The following GRM1 variants were observed in gnomAD, a reference collection of about 807,000 sequenced individuals.
GRM1 encodes the protein glutamate metabotropic receptor 1, also known as metabotropic glutamate receptor 1.
Under a neutral mutation model 90.9 loss-of-function variants are expected in GRM1, and 33 were observed. The observed-to-expected ratio is 0.36, with a 90% CI of 0.28 to 0.49. GRM1 has a LOEUF of 0.49. Among genes scored for constraint, GRM1 ranks in the 20% least tolerant of loss-of-function variants. The pLI, the probability that GRM1 is intolerant of heterozygous loss-of-function variation, is 0.99. For synonymous variants in GRM1, 700 were observed against 613.2 expected (o/e 1.14, Z -2.09); for missense variants, 1,190 against 1,534.3 (o/e 0.78, Z 3.75).
chr6:146,383,406 C>T (rs528512409), intron 5 of GRM1, among the ~76,000 whole-genome samples: 2 of 152,234 alleles, frequency 1.3e-5, no homozygotes, highest in South Asian at 4.2e-4. Flanking sequence ...TACAATAATT[C>T]ATGATGGCTC....
intron 6 of GRM1, among the ~76,000 whole-genome samples, chr6:146,387,456 C>A (rs1318646462): frequency 5.3e-5 from 8 of 151,892 alleles, no homozygotes; most frequent in Non-Finnish European, 1.2e-4. Flanking sequence ...TATAACATAA[C>A]ATAATTATTA....
chr6:146,155,336 G>A (rs544697596), intron 1 of GRM1, among the ~76,000 whole-genome samples: 1 of 152,238 alleles, frequency 6.6e-6, no homozygotes, highest in East Asian at 1.9e-4. Flanking sequence ...GTTGCCTACA[G>A]TATTCAGTAC....
At chr6:146,414,585 G>A (rs1777703841) in intron 7 of GRM1, among the ~76,000 whole-genome samples, 2 of 151,896 alleles carry the variant, frequency 1.3e-5, no homozygotes, top group African/African-American at 4.8e-5. Flanking sequence ...TGTATTTTTA[G>A]TAGAGACGGG....
In GRM1 at chr6:146,104,974, A is replaced by C. The variant is rs115672635; in HGVS notation, c.701-54374A>C. On this transcript the variant is annotated intron_variant, in intron 1 of 7. Transcript: ENST00000282753. Reference sequence around the variant, plus strand: ...GAGGGGGTAATGATCTGAAGTAGGCATGAGGGGATCTGCTGTGTTCTGGTA... The same window carrying C: ...GAGGGGGTAATGATCTGAAGTAGGCCTGAGGGGATCTGCTGTGTTCTGGTA... Among the ~76,000 whole-genome samples, 762 of 152,310 alleles carry C rather than the reference A, an allele frequency of 5.0e-3. 4 individuals are homozygous for C. The highest frequency in any genetic ancestry group is 0.018 in the African/African-American group (741 of 41,582).
chr6:146,065,849 A>G (rs1213943802), intron 1 of GRM1, among the ~76,000 whole-genome samples: 4 of 152,198 alleles, frequency 2.6e-5, no homozygotes, highest in African/African-American at 9.6e-5. Flanking sequence ...CATTAGCAGA[A>G]GTACTATTTT....
chr6:146,284,591 T>C (rs932566348), intron 2 of GRM1, among the ~76,000 whole-genome samples: 11 of 152,154 alleles, frequency 7.2e-5, no homozygotes, highest in African/African-American at 2.4e-4. Flanking sequence ...TGGGAGGTGA[T>C]TGAATCATGG....
In GRM1 at chr6:146,052,938, G is replaced by T. The variant is rs538606785; in HGVS notation, c.700+22721G>T. Among the ~76,000 whole-genome samples, 18 of 152,046 alleles carry T rather than the reference G, an allele frequency of 1.2e-4. 1 individual carries two copies. In the South Asian group the frequency reaches 3.3e-3, roughly 28 times the overall value. ...TAGAACAATGCCTGATGCCCCAAAA[G>T]CTTGAAGTATACATTTTTGAAATAA... On this transcript the variant is annotated intron_variant, in intron 1 of 7. Transcript: ENST00000282753.
chr6:146,304,362 A>G (rs1274101406), intron 2 of GRM1, among the ~76,000 whole-genome samples: 1 of 152,212 alleles, frequency 6.6e-6, no homozygotes, highest in African/African-American at 2.4e-5. Flanking sequence ...TACTCATCGA[A>G]CTTTAATTGT....
chr6:146,052,444 G>T (rs1775326010), intron 1 of GRM1, among the ~76,000 whole-genome samples: 2 of 151,996 alleles, frequency 1.3e-5, no homozygotes, highest in African/African-American at 2.4e-5. Context: ...TCAGACTCAG[G>T]TGTTCACAGC....
chr6:146,163,073 G>T (rs971925942), intron 2 of GRM1, among the ~76,000 whole-genome samples: 21 of 152,040 alleles, frequency 1.4e-4, no homozygotes, highest in Non-Finnish European at 1.5e-5. Context: ...AATTTGGGCT[G>T]ATCAATTTCT....
At chr6:146,177,396 A>G (rs1422956007) in intron 2 of GRM1, among the ~76,000 whole-genome samples, 1 of 152,048 alleles carries the variant, frequency 6.6e-6, no homozygotes, top group Non-Finnish European at 1.5e-5. Context: ...GTTAAGTTTC[A>G]CTTCTTTCCT....
intron 1 of GRM1, among the ~76,000 whole-genome samples, chr6:146,147,844 T>A (rs1777169252): frequency 6.6e-6 from 1 of 151,508 alleles, no homozygotes; most frequent in Non-Finnish European, 1.5e-5. Flanking sequence ...TAAATCTACA[T>A]CTCCCAAACT....
chr6:146,299,012 A>G (rs1783281033), intron 2 of GRM1, among the ~76,000 whole-genome samples: 1 of 152,230 alleles, frequency 6.6e-6, no homozygotes, highest in Non-Finnish European at 1.5e-5. Context: ...ATGTTCAGTC[A>G]TAGCTGCTTG....
At chr6:146,077,011 G>T (rs1776208981) in intron 1 of GRM1, among the ~76,000 whole-genome samples, 1 of 152,114 alleles carries the variant, frequency 6.6e-6, no homozygotes, top group Admixed American at 6.5e-5. Context: ...AGAGAGGGTA[G>T]GTGTGTAAAG....
chr6:146,405,368 T>C (rs1436904891), intron 7 of GRM1, among the ~76,000 whole-genome samples: 1 of 152,134 alleles, frequency 6.6e-6, no homozygotes, highest in African/African-American at 2.4e-5. Flanking sequence ...AAGGAAAATC[T>C]GAAGGCAGTA....
chr6:146,165,240 G>C (rs930039139), intron 2 of GRM1, among the ~76,000 whole-genome samples: 1 of 152,062 alleles, frequency 6.6e-6, no homozygotes, highest in South Asian at 2.1e-4. Context: ...GAAATACTTG[G>C]TTTTTACTGT....
intron 2 of GRM1, among the ~76,000 whole-genome samples, chr6:146,285,429 C>T (rs79429393): frequency 0.011 from 1,665 of 152,290 alleles, 13 homozygotes; most frequent in Non-Finnish European, 0.017. Flanking sequence ...AACCTGTAGT[C>T]TAGACTGATT....
chr6:146,190,490 C>T lies in GRM1; in HGVS notation c.950+30893C>T, dbSNP rs574166251. ...GAGAAAAAGTAGAAAGTACACGAGG[C>T]GATATCACACCTTGAGGGAGTTGGC... On this transcript the variant is annotated intron_variant, in intron 2 of 7. Transcript: ENST00000282753. Among the ~76,000 whole-genome samples the T allele has an allele frequency of 6.4e-4, 98 of 152,076 alleles. 1 individual carries two copies. In the South Asian group the frequency reaches 0.019, roughly 30 times the overall value.
At position 146,090,616 on chromosome 6, in the gene GRM1, G is replaced by A. The variant is rs571858438; in HGVS notation, c.700+60399G>A. On this transcript the variant is annotated intron_variant, in intron 1 of 7. Transcript: ENST00000282753. Reference sequence around the variant, plus strand: ...CATTGGGTGGCTTTAAGCCATAGCTGTGCCAGCATGAGTCAGGGCAAGTTC... The same window carrying A: ...CATTGGGTGGCTTTAAGCCATAGCTATGCCAGCATGAGTCAGGGCAAGTTC... Among the ~76,000 whole-genome samples, 3 of 152,200 alleles carry A rather than the reference G, an allele frequency of 2.0e-5. No individual in the cohort carries two copies. In the South Asian group the frequency reaches 6.2e-4, roughly 32 times the overall value.
Sources: allele counts gnomAD v4.1 joint callset (sites outside exome capture counted in the v4.1 genomes callset), GRCh38; gene constraint gnomAD v4.1.1; transcripts MANE v1.5; gene names NCBI Gene and HGNC (gene_info 2026-07-23, HGNC 2026-07-21).